Variants in ZNF487 observed in about 807,000 individuals in gnomAD.
ZNF487 encodes zinc finger protein 487.
In ZNF487, 4 loss-of-function variants were observed where a neutral mutation model predicts 3.0. The observed-to-expected ratio is 1.35, with a 90% CI of 0.66 to 3.08. ZNF487 has a LOEUF of 3.08. ZNF487 is among the 30% of genes most tolerant of loss of function. ZNF487 has a pLI of 0.01. For synonymous variants in ZNF487, 55 were observed against 34.6 expected (o/e 1.59, Z -2.06); for missense variants, 146 against 98.7 (o/e 1.48, Z -2.03).
chr10:43,522,555 G>A, the ZNF487 span, among the ~76,000 whole-genome samples: 478 of 152,092 alleles, frequency 3.1e-3, 1 homozygote, highest in African/African-American at 0.011. Flanking sequence ...CAAAGATGGC[G>A]AAACCCTGTC....
intron 1 of ZNF487, among the ~76,000 whole-genome samples, chr10:43,445,309 G>T (rs376007756): frequency 6.6e-6 from 1 of 152,146 alleles, no homozygotes; most frequent in East Asian, 1.9e-4. Context: ...ATTTTGACTG[G>T]ATGTTTTTAT....
At chr10:43,449,390 A>C (rs1168554800) in intron 1 of ZNF487, among the ~76,000 whole-genome samples, 1 of 152,160 alleles carries the variant, frequency 6.6e-6, no homozygotes, top group Non-Finnish European at 1.5e-5. Flanking sequence ...GTCACAGAGA[A>C]TAGAAATGGA....
At chr10:43,450,629 C>T (rs919596977) in intron 1 of ZNF487, among the ~76,000 whole-genome samples, 1 of 151,734 alleles carries the variant, frequency 6.6e-6, no homozygotes, top group Admixed American at 6.6e-5. Context: ...GGATTATAGG[C>T]GTGAGCCACC....
the ZNF487 span, among the ~76,000 whole-genome samples, chr10:43,493,893 C>T: frequency 4.3e-3 from 650 of 150,406 alleles, 2 homozygotes; most frequent in African/African-American, 0.015. Flanking sequence ...AGGCCAGGCG[C>T]GTTGGCTCAT....
At chr10:43,455,672 G>A (rs1038213282) in intron 1 of ZNF487, among the ~76,000 whole-genome samples, 1 of 152,344 alleles carries the variant, frequency 6.6e-6, no homozygotes, top group East Asian at 1.9e-4. Context: ...CGCATGCGCG[G>A]CCCATTTCCG....
At chr10:43,503,378 A>G in the ZNF487 span, among the ~76,000 whole-genome samples, 16 of 152,346 alleles carry the variant, frequency 1.1e-4, no homozygotes, top group African/African-American at 3.1e-4. Context: ...TCAAAATGTT[A>G]AAGTAAAAAG....
chr10:43,459,893 CT>C (rs1433441302), intron 1 of ZNF487, among the ~76,000 whole-genome samples: 1 of 151,492 alleles, frequency 6.6e-6, no homozygotes, highest in East Asian at 1.9e-4. Context: ...GCTCTGTCTC[CT>C]GGGTTCACGC....
intron 1 of ZNF487, among the ~76,000 whole-genome samples, chr10:43,437,993 AT>A (rs1839447118): frequency 6.6e-6 from 1 of 151,852 alleles, no homozygotes; most frequent in African/African-American, 2.4e-5. Context: ...TGCCACCGAA[AT>A]ATTTCTTCAT....
the ZNF487 span, among the ~76,000 whole-genome samples, chr10:43,497,983 G>GATATAT: frequency 0.034 from 4,429 of 130,196 alleles, 264 homozygotes; most frequent in African/African-American, 0.12. Flanking sequence ...AAAGAAAAAA[G>GATATAT]ATATATATAT....
At chr10:43,498,954 A>AAG in the ZNF487 span, among the ~76,000 whole-genome samples, 1 of 152,240 alleles carries the variant, frequency 6.6e-6, no homozygotes, top group East Asian at 1.9e-4. Flanking sequence ...AAAAAAAAAA[A>AAG]AAAGATTGTA....
At chr10:43,507,288 G>A in the ZNF487 span, among the ~76,000 whole-genome samples, 1 of 152,200 alleles carries the variant, frequency 6.6e-6, no homozygotes, top group African/African-American at 2.4e-5. Context: ...TGTTATTTGT[G>A]ATTGTGCACC....
chr10:43,486,187 A>G (rs1841468844), downstream of ZNF487, among the ~76,000 whole-genome samples: 1 of 152,224 alleles, frequency 6.6e-6, no homozygotes, highest in African/African-American at 2.4e-5. Flanking sequence ...ACTGGTTTAA[A>G]AAACCAAAAT....
chr10:43,514,272 C>G, the ZNF487 span, among the ~76,000 whole-genome samples: 1 of 152,250 alleles, frequency 6.6e-6, no homozygotes, highest in Non-Finnish European at 1.5e-5. Context: ...TCCTGAGTAG[C>G]TGGGATTACA....
the ZNF487 span, among the ~76,000 whole-genome samples, chr10:43,509,606 C>A: frequency 2.6e-5 from 4 of 151,878 alleles, no homozygotes; most frequent in Non-Finnish European, 5.9e-5. Context: ...GGATTGGAGT[C>A]CAATGTTCGA....
downstream of ZNF487, among the ~76,000 whole-genome samples, chr10:43,486,745 C>T (rs908827917): frequency 1.3e-5 from 2 of 152,114 alleles, no homozygotes; most frequent in Non-Finnish European, 2.9e-5. Flanking sequence ...AATACAAAAG[C>T]AGCTGCTACC....
chr10:43,458,386 A>G (rs1840298930), intron 1 of ZNF487, among the ~76,000 whole-genome samples: 1 of 152,238 alleles, frequency 6.6e-6, no homozygotes. Flanking sequence ...TTAGGTACAG[A>G]AGAGACAAAT....
downstream of ZNF487, among the ~76,000 whole-genome samples, chr10:43,483,655 G>A (rs901541721): frequency 1.3e-5 from 2 of 152,056 alleles, no homozygotes; most frequent in Non-Finnish European, 2.9e-5. Flanking sequence ...AGCCTCCCAA[G>A]TAGCTGGGAC....
chr10:43,520,392 A>G, the ZNF487 span, among the ~76,000 whole-genome samples: 1 of 152,202 alleles, frequency 6.6e-6, no homozygotes, highest in Non-Finnish European at 1.5e-5. Context: ...ATTCAGCTTG[A>G]TTATTGGGTG....
rs1161169277 is a variant in ZNF487 at position 43,475,645 on chromosome 10, A to G, written c.-93-76A>G. The G allele has an allele frequency of 5.7e-5, 42 of 736,226 alleles. 1 individual carries two copies. The highest frequency in any genetic ancestry group is 4.6e-4 in the South Asian group (32 of 69,424). The allele number at this position is 736,226 out of a possible 1,614,324, so 45.6% of individuals were successfully genotyped here. A position where few individuals can be genotyped will look rare whatever the true frequency, so the allele number is the denominator to read the frequency against. On this transcript the variant is annotated intron_variant, in intron 1 of 3. Transcript: ENST00000437590. ...TCAACTATCAACAGTGAACATGACA[A>G]GGTGTTAGATCTCACACATGTTGTA... is the stretch of plus-strand genomic sequence containing the variant.
Sources: gnomAD v4.1 joint callset for allele counts (sites outside exome capture counted in the v4.1 genomes callset) on GRCh38, gnomAD v4.1.1 for gene constraint, MANE v1.5 for transcripts, NCBI Gene and HGNC (gene_info 2026-07-23, HGNC 2026-07-21) for gene names.